SOS2: variants seen among roughly 807,000 people sequenced by gnomAD.
SOS2 encodes the protein son of sevenless homolog 2.
A neutral mutation model predicts 148.2 loss-of-function variants in SOS2; 65 were observed. That is an observed-to-expected ratio of 0.44 (90% CI 0.36 to 0.54). The LOEUF (loss-of-function observed/expected upper bound fraction) is 0.54, where lower values mean the gene tolerates loss of function less well. Ranked by LOEUF, SOS2 falls within the 20% of genes least tolerant of loss-of-function variation. The pLI, the probability that SOS2 is intolerant of heterozygous loss-of-function variation, is 0.00. For missense variants in SOS2, 1,341 were observed against 1,590.2 expected, an observed-to-expected ratio of 0.84 and a Z score of 2.67; for synonymous variants, 539 against 537.1, an observed-to-expected ratio of 1.00 and a Z score of -0.05.
intron 14 of SOS2, among the ~76,000 whole-genome samples, chr14:50,146,079 G>A (rs1884459023): frequency 6.7e-6 from 1 of 148,490 alleles, no homozygotes; most frequent in South Asian, 2.1e-4. Context: ...GTTGTGGTGA[G>A]CCGAGATCGC....
In SOS2 at chr14:50,159,705, A is replaced by G. The variant is rs1884934378; in HGVS notation, c.1578T>C (p.Ala526=). The G allele has an allele frequency of 1.2e-6, 2 of 1,614,028 alleles. No individual in the cohort carries two copies. Among genetic ancestry groups the G allele is most frequent in the South Asian group, 2.2e-5 (2 of 91,090 alleles). ...SKDENSIIFA[A]KSAEEKNNWM... ...AGTTGTTTTTTTCTTCAGCAGACTT[A>G]GCAGCAAATATTATGCTGTTCTCAT... Residue 526 remains alanine (A), a synonymous_variant, in exon 10 of 23, where the codon GCT becomes GCC. Coordinates refer to ENST00000216373, the MANE Select transcript of SOS2 (RefSeq NM_006939.4).
chr14:50,225,386 C>T (rs888637087), intron 1 of SOS2, among the ~76,000 whole-genome samples: 1 of 152,114 alleles, frequency 6.6e-6, no homozygotes, highest in South Asian at 2.1e-4. Context: ...AAAGAGAGTC[C>T]ATGGTTAATA....
rs375487320 is a variant in SOS2, at chr14:50,158,554, A to G, written c.1934+11T>C. The G allele has an allele frequency of 4.9e-5, 75 of 1,533,456 alleles. No individual in the cohort carries two copies. The highest frequency in any genetic ancestry group is 3.2e-4 in the African/African-American group (23 of 72,952). The allele number at this position is 1,533,456 out of a possible 1,614,324, so 95.0% of individuals were successfully genotyped here. ...AAATGTCAATATAACTGAAATACAT[A>G]TTTTTCTTACCGTTCAATCAGTAAG... is the stretch of plus-strand genomic sequence containing the variant. On this transcript the variant is annotated intron_variant, in intron 11 of 22. Coordinates refer to ENST00000216373, the MANE Select transcript of SOS2 (RefSeq NM_006939.4).
In SOS2 at chr14:50,150,818, G is replaced by A. The variant is rs1233379662; in HGVS notation, c.2162-588C>T. On this transcript the variant is annotated intron_variant, in intron 13 of 22. Coordinates refer to ENST00000216373, the MANE Select transcript of SOS2 (RefSeq NM_006939.4). ...GCTCACTGCAACCTCCACCTCCCGGGTTCAAGCGATTCTCCTGCCTCAGCC... is the reference window on the plus strand; with the variant it reads ...GCTCACTGCAACCTCCACCTCCCGGATTCAAGCGATTCTCCTGCCTCAGCC... Among the ~76,000 whole-genome samples the A allele has an allele frequency of 2.0e-5, 3 of 152,028 alleles. No homozygotes were observed. The East Asian group carries it at 5.8e-4, about 29-fold the overall frequency.
intron 4 of SOS2, among the ~76,000 whole-genome samples, chr14:50,197,643 T>C (rs1450160129): frequency 4.6e-5 from 7 of 151,352 alleles, no homozygotes; most frequent in Non-Finnish European, 8.8e-5. Flanking sequence ...CAGTGGTCCC[T>C]GTGCCTATTG....
chr14:50,159,418 G>C lies in SOS2; in HGVS notation c.1852+13C>G. The C allele has an allele frequency of 6.4e-7, 1 of 1,552,812 alleles. No homozygotes were observed. The highest frequency in any genetic ancestry group is 2.3e-5 in the East Asian group (1 of 44,228). On this transcript the variant is annotated intron_variant, in intron 10 of 22. Coordinates refer to ENST00000216373, the MANE Select transcript of SOS2 (RefSeq NM_006939.4). ...CAGGCCCTAGGTCAGCAGTTGTAAT[G>C]AGTTTCACATACCTGCATACATATG... is the stretch of plus-strand genomic sequence containing the variant.
intron 1 of SOS2, among the ~76,000 whole-genome samples, chr14:50,220,103 A>T (rs1395699624): frequency 6.6e-6 from 1 of 151,544 alleles, no homozygotes. Flanking sequence ...TCATTAAAAG[A>T]ACAGACCCTG....
chr14:50,143,782 A>T (rs1884373189), intron 16 of SOS2, among the ~76,000 whole-genome samples: 1 of 149,076 alleles, frequency 6.7e-6, no homozygotes. Context: ...ATGCAGTGCG[A>T]TTTCTGCCCC....
chr14:50,214,808 C>T (rs1164212899), intron 1 of SOS2, among the ~76,000 whole-genome samples: 1 of 151,040 alleles, frequency 6.6e-6, no homozygotes, highest in East Asian at 1.9e-4. Context: ...CTCAGGCCCC[C>T]CTCCCTGAGG....
Position 50,118,815 on chromosome 14 carries a change from T to C in SOS2, c.3528A>G (p.Pro1176=). ...CCTTTGGAGGAGGAGGCTGTCTCGG[T>C]GGAATAGCAGGAGGATCATCATCAG... ...MKSDDDPPAI[P]PRQPPPPKVK... The change falls in exon 23 of 23, where the codon CCA becomes CCG. Residue 1176 remains proline (P), a synonymous_variant. Transcript: ENST00000216373. The C allele has an allele frequency of 6.6e-7, 1 of 1,516,738 alleles. No individual in the cohort carries two copies. Among genetic ancestry groups the C allele is most frequent in the Non-Finnish European group, 8.9e-7 (1 of 1,126,508 alleles). The allele number at this position is 1,516,738 out of a possible 1,614,324, so 94.0% of individuals were successfully genotyped here. A position where few individuals can be genotyped will look rare whatever the true frequency, so the allele number is the denominator to read the frequency against.
At chr14:50,163,297 T>C (rs956511118) in intron 8 of SOS2, among the ~76,000 whole-genome samples, 3 of 152,036 alleles carry the variant, frequency 2.0e-5, no homozygotes, top group Non-Finnish European at 4.4e-5. Context: ...TTATTAGAGA[T>C]TTTGTGATAA....
At chr14:50,201,153 T>C in intron 2 of SOS2, 69 bp from the exon 3 acceptor site, 4 of 1,397,490 alleles carry the variant, frequency 2.9e-6, no homozygotes, top group Non-Finnish European at 4.0e-6. Flanking sequence ...TCATACAAAA[T>C]TCAACTTGAT....
At chr14:50,192,850 TGA>T (rs762252987) in intron 4 of SOS2, among the ~76,000 whole-genome samples, 1 of 151,368 alleles carries the variant, frequency 6.6e-6, no homozygotes, top group Non-Finnish European at 1.5e-5. Context: ...GTTGAGAGAG[TGA>T]GAGTCTGTCT....
chr14:50,175,790 C>A (rs928645758), intron 7 of SOS2, among the ~76,000 whole-genome samples: 1 of 152,014 alleles, frequency 6.6e-6, no homozygotes, highest in South Asian at 2.1e-4. Context: ...ACCAACCACA[C>A]CAATATAAAA....
At chr14:50,218,564 T>C (rs77304457) in intron 1 of SOS2, among the ~76,000 whole-genome samples, 3,246 of 150,486 alleles carry the variant, frequency 0.022, 114 homozygotes, top group African/African-American at 0.073. Flanking sequence ...ACAAAACAAC[T>C]CAACAAAAAT....
intron 4 of SOS2, among the ~76,000 whole-genome samples, chr14:50,189,307 C>CACAT (rs1222171927): frequency 1.5e-5 from 1 of 65,756 alleles, no homozygotes; most frequent in East Asian, 4.1e-4. Context: ...TACTGTAATA[C>CACAT]ACACACACAC....
At chr14:50,156,422 A>AAAAGAT (rs1884823246) in intron 12 of SOS2, 1 of 152,218 alleles carries the variant, frequency 6.6e-6, no homozygotes, top group Non-Finnish European at 1.5e-5. Context: ...AATGAGATAA[A>AAAAGAT]AAAGATAAAG....
chr14:50,127,907 A>T (rs1353559804), intron 21 of SOS2, among the ~76,000 whole-genome samples: 1 of 152,234 alleles, frequency 6.6e-6, no homozygotes, highest in Admixed American at 6.5e-5. Flanking sequence ...GAGGAAAATG[A>T]GTTCAAAATT....
chr14:50,171,513 G>C (rs1386271611), intron 8 of SOS2, among the ~76,000 whole-genome samples: 4 of 151,782 alleles, frequency 2.6e-5, no homozygotes, highest in African/African-American at 9.7e-5. Context: ...GTGAAACCCT[G>C]TCTATACTAA....
Sources: allele counts gnomAD v4.1 joint callset (sites outside exome capture counted in the v4.1 genomes callset), GRCh38; gene constraint gnomAD v4.1.1; transcripts MANE v1.5; gene names NCBI Gene and HGNC (gene_info 2026-07-23, HGNC 2026-07-21).